Variants in RAPGEF1 observed in about 807,000 individuals in gnomAD.
The protein encoded by RAPGEF1 is Rap guanine nucleotide exchange factor 1.
RAPGEF1 carries 33 observed loss-of-function variants against 143.3 expected under a neutral mutation model. That is an observed-to-expected ratio of 0.23 (90% CI 0.17 to 0.31). The LOEUF is 0.31. RAPGEF1 is among the 10% of genes least tolerant of loss of function. The pLI, the probability that RAPGEF1 is intolerant of heterozygous loss-of-function variation, is 1.00. For missense variants in RAPGEF1, 1,199 were observed against 1,645.4 expected (o/e 0.73, Z 4.69); for synonymous variants, 629 against 676.5 (o/e 0.93, Z 1.09).
In RAPGEF1 at chr9:131,628,593, G is replaced by A; in HGVS notation, c.973C>T (p.Arg325Ter). ...TRVAVVAPMS[R>*]ATSGSSLPVG... ...GGCAAACTGGAGCCACTGGTGGCTC[G>A]GCTCATGGGGGCCACCACAGCCACT... The change falls in exon 8 of 27, where the codon CGA (arginine) becomes TGA (stop). Residue 325 changes from arginine to a stop codon, truncating the protein, a stop_gained. Transcript: ENST00000683357. LOFTEE classifies it high-confidence loss of function. This position sits in a 1 kb window ranked among gnomAD's most constrained non-coding sequence, Gnocchi z 5.7. 6.2e-7 allele frequency: 1 copy of A among 1,613,022 alleles called. No individual in the cohort carries two copies. Among genetic ancestry groups the A allele is most frequent in the Non-Finnish European group, 8.5e-7 (1 of 1,179,090 alleles).
chr9:131,717,791 A>G (rs563459785), intron 1 of RAPGEF1, among the ~76,000 whole-genome samples: 1 of 144,862 alleles, frequency 6.9e-6, no homozygotes, highest in East Asian at 2.1e-4. Context: ...GGCTACATTT[A>G]AAGGGGGAAA....
chr9:131,697,572 G>A (rs570694053), intron 1 of RAPGEF1, among the ~76,000 whole-genome samples: 19 of 152,218 alleles, frequency 1.2e-4, no homozygotes, highest in Non-Finnish European at 2.6e-4. Flanking sequence ...TGCAGCCACT[G>A]CAACAGAACA....
chr9:131,610,626 CA>C (rs1957893467), intron 12 of RAPGEF1, among the ~76,000 whole-genome samples: 1 of 152,172 alleles, frequency 6.6e-6, no homozygotes, highest in Admixed American at 6.5e-5. Flanking sequence ...AAAACACATT[CA>C]GGGGAAGCTG....
intron 1 of RAPGEF1, among the ~76,000 whole-genome samples, chr9:131,717,177 G>A (rs1835921706): frequency 6.6e-6 from 1 of 152,210 alleles, no homozygotes; most frequent in Admixed American, 6.5e-5. Context: ...AGGCTGTGAT[G>A]CCTCTGCCCT....
At chr9:131,649,989 C>A in intron 3 of RAPGEF1, 140 bp downstream of exon 3, 1 of 646,388 alleles carries the variant, frequency 1.5e-6, no homozygotes. Context: ...TGGACTCTTT[C>A]CTGAACAATT....
At chr9:131,603,321 T>C (rs1419581514) in intron 14 of RAPGEF1, among the ~76,000 whole-genome samples, 1 of 152,212 alleles carries the variant, frequency 6.6e-6, no homozygotes, top group Admixed American at 6.5e-5. Flanking sequence ...CTTTTGAACT[T>C]GCTCATGTTT....
At chr9:131,615,672 C>T (rs1958878903) in intron 12 of RAPGEF1, among the ~76,000 whole-genome samples, 1 of 152,138 alleles carries the variant, frequency 6.6e-6, no homozygotes, top group Non-Finnish European at 1.5e-5. Flanking sequence ...TAAGTGTTTA[C>T]ATTTGAGATG....
intron 5 of RAPGEF1, among the ~76,000 whole-genome samples, chr9:131,635,057 C>A (rs1198895513): frequency 6.6e-6 from 1 of 152,016 alleles, no homozygotes; most frequent in African/African-American, 2.4e-5. Flanking sequence ...GATGAGGGGA[C>A]AGGGGTCTAT....
chr9:131,601,643 T>C (rs1178180593), intron 15 of RAPGEF1, among the ~76,000 whole-genome samples: 1 of 152,134 alleles, frequency 6.6e-6, no homozygotes, highest in Non-Finnish European at 1.5e-5. Flanking sequence ...CAGTGGCTCA[T>C]GCCTGTAAGC....
At chr9:131,727,669 C>T (rs566445838) in intron 1 of RAPGEF1, among the ~76,000 whole-genome samples, 8 of 152,300 alleles carry the variant, frequency 5.3e-5, no homozygotes, top group East Asian at 1.9e-4. Context: ...CAGGGAACTC[C>T]GCACCCCTGC....
At chr9:131,629,861 C>T (rs1188847052) in intron 6 of RAPGEF1, among the ~76,000 whole-genome samples, 3 of 151,960 alleles carry the variant, frequency 2.0e-5, no homozygotes, top group African/African-American at 4.8e-5. Context: ...GAATATAAAC[C>T]TTTACAACCA....
At chr9:131,633,690 G>A (rs1043379603) in intron 5 of RAPGEF1, among the ~76,000 whole-genome samples, 4 of 152,152 alleles carry the variant, frequency 2.6e-5, no homozygotes, top group Non-Finnish European at 4.4e-5. Context: ...ACTAGCTCGC[G>A]TGGCCTAGGC....
At chr9:131,659,707 A>T (rs192369164) in intron 1 of RAPGEF1, among the ~76,000 whole-genome samples, 2 of 152,358 alleles carry the variant, frequency 1.3e-5, no homozygotes, top group African/African-American at 4.8e-5. Flanking sequence ...AATACTTAAT[A>T]CATGGCAGCT....
intron 1 of RAPGEF1, among the ~76,000 whole-genome samples, chr9:131,652,851 A>G (rs920951048): frequency 5.3e-5 from 8 of 152,266 alleles, no homozygotes; most frequent in African/African-American, 1.9e-4. Flanking sequence ...TTTATTATCA[A>G]GTACTACGTA....
In RAPGEF1 at chr9:131,599,632, A is replaced by G. The variant is rs893950704; in HGVS notation, c.2502-1322T>C. ...GGATGGGAGAGAACATTTCCCACAA[A>G]GGGGAAGGTGGGACGGCCGGGGGTG... On this transcript the variant is annotated intron_variant, in intron 15 of 26. Coordinates refer to ENST00000683357, the MANE Select transcript of RAPGEF1 (RefSeq NM_001377935.1). 6.6e-5 allele frequency among the ~76,000 whole-genome samples: 10 copies of G among 152,144 alleles called. No homozygotes were observed. In the East Asian group the frequency reaches 1.9e-3, roughly 29 times the overall value.
intron 1 of RAPGEF1, among the ~76,000 whole-genome samples, chr9:131,671,735 T>C (rs1831433157): frequency 6.6e-6 from 1 of 151,888 alleles, no homozygotes; most frequent in African/African-American, 2.4e-5. Flanking sequence ...CTGTGGAAAG[T>C]GCAGGGCAGT....
At chr9:131,624,392 C>G (rs2132929299) in intron 10 of RAPGEF1, among the ~76,000 whole-genome samples, 1 of 152,322 alleles carries the variant, frequency 6.6e-6, no homozygotes, top group Admixed American at 6.5e-5. Flanking sequence ...TGGTTAAAGC[C>G]TCAAAATGGT....
rs56044744 is a variant in RAPGEF1 at position 131,730,697 on chromosome 9, C to CAAAAAAAAAAAAA, written c.61+9060_61+9072dup. 2.3e-3 allele frequency among the ~76,000 whole-genome samples: 185 copies of CAAAAAAAAAAAAA among 80,330 alleles called. 1 individual carries two copies. Among genetic ancestry groups the CAAAAAAAAAAAAA allele is most frequent in the Middle Eastern group, 5.8e-3 (1 of 172 alleles). The allele number at this position is 80,330 out of a possible 152,430, so 52.7% of individuals were successfully genotyped here. ...GCAACAGCAGAGTGAGACTCCATCT[C>CAAAAAAAAAAAAA]AAAAAAAAAAAAAAAAAAAAAGAAG... On this transcript the variant is annotated intron_variant, in intron 1 of 26. Coordinates refer to ENST00000683357, the MANE Select transcript of RAPGEF1 (RefSeq NM_001377935.1).
chr9:131,590,302 C>A (rs934903897), intron 18 of RAPGEF1, among the ~76,000 whole-genome samples: 1 of 152,054 alleles, frequency 6.6e-6, no homozygotes, highest in Non-Finnish European at 1.5e-5. Context: ...GTAGAGAGTG[C>A]CTTGCTGAAC....
Sources: allele counts gnomAD v4.1 joint callset (sites outside exome capture counted in the v4.1 genomes callset), GRCh38; gene constraint gnomAD v4.1.1; non-coding constraint Gnocchi (gnomAD v3.1); transcripts MANE v1.5; gene names NCBI Gene and HGNC (gene_info 2026-07-23, HGNC 2026-07-21).